The following PYGL variants were observed in gnomAD, a reference collection of about 807,000 sequenced individuals.
PYGL encodes glycogen phosphorylase L, also known as glycogen phosphorylase, liver form.
A neutral mutation model predicts 100.1 loss-of-function variants in PYGL; 90 were observed. The ratio of observed to expected loss-of-function variants is 0.90; its 90% CI spans 0.76 to 1.07. The LOEUF (loss-of-function observed/expected upper bound fraction) is 1.07, where lower values mean the gene tolerates loss of function less well. Among genes scored for constraint, PYGL ranks in the 50% least tolerant of loss-of-function variants. The probability of loss-of-function intolerance (pLI) is 0.00; values close to 1 mark genes in which losing one functional copy is unlikely to be tolerated. For missense variants in PYGL, 1,016 were observed against 1,057.6 expected (o/e 0.96, Z 0.55); for synonymous variants, 373 against 393.0 (o/e 0.95, Z 0.60).
chr14:50,924,120 T>C lies in PYGL; in HGVS notation c.529-20A>G. 6.2e-7 allele frequency: 1 copy of C among 1,611,826 alleles called. No homozygotes were observed. The highest frequency in any genetic ancestry group is 8.5e-7 in the Non-Finnish European group (1 of 1,178,234). ...TTCTACCTGCAAAAGGATACAGTAT[T>C]GCTTAGAATTTATTTGTCAGGAAAT... On this transcript the variant is annotated intron_variant, in intron 4 of 19. Coordinates refer to ENST00000216392, the MANE Select transcript of PYGL (RefSeq NM_002863.5).
chr14:50,932,639 GC>G (rs1234944156), intron 3 of PYGL, among the ~76,000 whole-genome samples: 2 of 152,122 alleles, frequency 1.3e-5, no homozygotes, highest in Non-Finnish European at 1.5e-5. Context: ...AAGCATTTTT[GC>G]TAGGTTTTCT....
intron 4 of PYGL, among the ~76,000 whole-genome samples, chr14:50,930,160 T>C (rs1310819670): frequency 6.6e-6 from 1 of 152,244 alleles, no homozygotes; most frequent in African/African-American, 2.4e-5. Flanking sequence ...TATTTTATTA[T>C]AGAATAGCAC....
At chr14:50,931,814 T>G (rs752904599) in intron 3 of PYGL, 38 bp from the exon 4 acceptor site, 23 of 1,566,994 alleles carry the variant, frequency 1.5e-5, no homozygotes, top group Middle Eastern at 3.3e-4. Context: ...ATAGAGTCAT[T>G]AAGCTGAGCC....
Position 50,944,384 on chromosome 14 carries a change from T to C in PYGL, c.20A>G (p.Asp7Gly), listed in dbSNP as rs1395857384. 1.2e-6 allele frequency: 2 copies of C among 1,612,764 alleles called. No individual in the cohort carries two copies. The highest frequency in any genetic ancestry group is 2.2e-5 in the East Asian group (1 of 44,872). MAKPLT[D>G]QEKRRQISIR... ...GCTGATCTGCCGCCGCTTCTCCTGG[T>C]CCGTCAGGGGCTTCGCCATGGCTGG... Residue 7 changes from aspartate (D) to glycine (G), a missense_variant, in exon 1 of 20, where the codon GAC (aspartate) becomes GGC (glycine). Transcript: ENST00000216392.
intron 18 of PYGL, 89 bp downstream of exon 18, chr14:50,908,732 T>G: frequency 6.7e-7 from 1 of 1,502,302 alleles, no homozygotes; most frequent in Non-Finnish European, 9.2e-7. Flanking sequence ...GGTTTAAGAT[T>G]TTCTTGTTGG....
chr14:50,941,736 G>A (rs1346476202), intron 1 of PYGL, among the ~76,000 whole-genome samples: 1 of 152,026 alleles, frequency 6.6e-6, no homozygotes, highest in Admixed American at 6.5e-5. Flanking sequence ...AAAGTAGCTG[G>A]GCATGGTGGC....
intron 16 of PYGL, 47 bp downstream of exon 16, chr14:50,911,683 T>C: frequency 1.2e-6 from 2 of 1,608,180 alleles, no homozygotes; most frequent in Non-Finnish European, 1.7e-6. Flanking sequence ...CCATGTAATC[T>C]CTAGAGTTTG....
chr14:50,926,725 CAAAAAAAAA>C (rs60411526), intron 4 of PYGL, among the ~76,000 whole-genome samples: 8 of 42,830 alleles, frequency 1.9e-4, no homozygotes, highest in Middle Eastern at 0.019. Flanking sequence ...GACTCTGTCT[CAAAAAAAAA>C]AAAAAAAAAA....
At chr14:50,907,452 G>T (rs1052427534) in intron 19 of PYGL, among the ~76,000 whole-genome samples, 7 of 152,178 alleles carry the variant, frequency 4.6e-5, no homozygotes, top group Non-Finnish European at 1.0e-4. Context: ...TACTGGGAAA[G>T]AATCTCTCAG....
rs1368339201 is a variant in PYGL at position 50,906,193 on chromosome 14, TAAG to T, written c.2380-640_2380-638del. Among the ~76,000 whole-genome samples, 6 of 152,304 alleles carry T rather than the reference TAAG, an allele frequency of 3.9e-5. No homozygotes were observed. In the South Asian group the frequency reaches 1.0e-3, roughly 26 times the overall value. On this transcript the variant is annotated intron_variant, in intron 19 of 19. Coordinates refer to ENST00000216392, the MANE Select transcript of PYGL (RefSeq NM_002863.5). Reference sequence around the variant, plus strand: ...ATAATTTTTATATAAAAGAATATGATAAGAAGGAATTTATTTTATAGCCTCTTA... The same window carrying T: ...ATAATTTTTATATAAAAGAATATGATAAGGAATTTATTTTATAGCCTCTTA...
intron 18 of PYGL, 81 bp downstream of exon 18, chr14:50,908,738 GTT>G: frequency 6.6e-7 from 1 of 1,504,838 alleles, no homozygotes; most frequent in South Asian, 1.1e-5. Flanking sequence ...AGATTTTCTT[GTT>G]GGTTTTAGAG....
rs145296428 is a variant in PYGL, at chr14:50,909,541, G to A, written c.2177+354C>T. ...TGCATTTCTTTGATATCTTAAAGGA[G>A]CACTAGATCATGATTTAAATTATAG... On this transcript the variant is annotated intron_variant, in intron 17 of 19. Transcript: ENST00000216392. Among the ~76,000 whole-genome samples, 77 of 152,258 alleles carry A rather than the reference G, an allele frequency of 5.1e-4. No homozygotes were observed. The East Asian group carries it at 9.1e-3, about 18-fold the overall frequency.
At chr14:50,943,505 C>A (rs1352501600) in intron 1 of PYGL, among the ~76,000 whole-genome samples, 1 of 152,198 alleles carries the variant, frequency 6.6e-6, no homozygotes, top group Non-Finnish European at 1.5e-5. Flanking sequence ...TCGGGGAGGA[C>A]GAGTCCAGGG....
intron 13 of PYGL, 65 bp from the exon 14 acceptor site, chr14:50,912,368 C>CT (rs1199914678): frequency 2.4e-5 from 37 of 1,569,804 alleles, no homozygotes; most frequent in African/African-American, 8.1e-5. Context: ...TCTGGTTTTT[C>CT]TTTTTTTTGA....
intron 4 of PYGL, 150 bp from the exon 5 acceptor site, chr14:50,924,250 C>A: frequency 1.2e-6 from 1 of 837,042 alleles, no homozygotes; most frequent in South Asian, 1.6e-5. Context: ...CAGCCTACAT[C>A]AACAATAATA....
At chr14:50,908,674 G>T in intron 18 of PYGL, 147 bp downstream of exon 18, 2 of 1,165,094 alleles carry the variant, frequency 1.7e-6, no homozygotes. Flanking sequence ...AGCAGATCAC[G>T]CTAATCTATG....
intron 1 of PYGL, among the ~76,000 whole-genome samples, chr14:50,938,075 C>G (rs2050671605): frequency 6.6e-6 from 1 of 152,168 alleles, no homozygotes; most frequent in Admixed American, 6.5e-5. Flanking sequence ...GTTTGGCATT[C>G]TAAGTCACAG....
Position 50,911,846 on chromosome 14 carries a change from T to G in PYGL, c.1853A>C (p.Lys618Thr). 6.2e-7 allele frequency: 1 copy of G among 1,609,886 alleles called. No homozygotes were observed. The highest frequency in any genetic ancestry group is 8.5e-7 in the Non-Finnish European group (1 of 1,179,636). The stretch of plus-strand genomic sequence containing the variant: ...TGAAGTGATCAGCTTTATGATCATT[T>G]TGGCCATGTGATATCCTGGGGCAGC... Reference protein sequence around the residue: ...GKAAPGYHMAKMIIKLITSVA... With the variant: ...GKAAPGYHMATMIIKLITSVA... The change falls in exon 16 of 20, where the codon AAA (lysine) becomes ACA (threonine). Residue 618 changes from lysine (K) to threonine (T), a missense_variant. By Grantham distance (78) the Lys-to-Thr change is moderately conservative (BLOSUM62 -1). Coordinates refer to ENST00000216392, the MANE Select transcript of PYGL (RefSeq NM_002863.5).
At chr14:50,937,960 G>A (rs542373645) in intron 1 of PYGL, 123 bp from the exon 2 acceptor site, 41 of 862,354 alleles carry the variant, frequency 4.8e-5, no homozygotes, top group Admixed American at 2.6e-4. Context: ...GTCACCACAG[G>A]TTCGAATGAG....
Sources: gnomAD v4.1 joint callset for allele counts (sites outside exome capture counted in the v4.1 genomes callset) on GRCh38, gnomAD v4.1.1 for gene constraint, MANE v1.5 for transcripts, NCBI Gene and HGNC (gene_info 2026-07-23, HGNC 2026-07-21) for gene names.